TMEM164: variants seen among roughly 807,000 people sequenced by gnomAD.
TMEM164 encodes the protein transmembrane protein 164.
TMEM164 carries 4 observed loss-of-function variants against 18.8 expected under a neutral mutation model. The observed-to-expected ratio is 0.21, with a 90% CI of 0.10 to 0.49. The LOEUF is 0.49. Ranked by LOEUF, TMEM164 falls within the 20% of genes least tolerant of loss-of-function variation. TMEM164 has a pLI of 0.98. For missense variants in TMEM164, 108 were observed against 239.9 expected (o/e 0.45, Z 3.63); for synonymous variants, 86 against 101.7 (o/e 0.85, Z 0.93).
intron 2 of TMEM164, among the ~76,000 whole-genome samples, chrX:110,032,691 C>G (rs1251070896): frequency 1.8e-5 from 2 of 111,506 alleles, no homozygotes; most frequent in Non-Finnish European, 3.8e-5. Context: ...AATAATAATG[C>G]CAAGGATTGT....
Position 110,040,184 on chromosome X carries a change from A to G in TMEM164, c.391-27163A>G, listed in dbSNP as rs180842108. On this transcript the variant is annotated intron_variant, in intron 2 of 6. Coordinates refer to ENST00000372068, the MANE Select transcript of TMEM164 (RefSeq NM_032227.4). Reference sequence around the variant, plus strand: ...GAAAAACTGTTTATGATACAAATCTATATGTTAAATCCTACTTTTAGTGCA... The same window carrying G: ...GAAAAACTGTTTATGATACAAATCTGTATGTTAAATCCTACTTTTAGTGCA... Among the ~76,000 whole-genome samples the G allele has an allele frequency of 8.0e-5, 9 of 112,627 alleles. No homozygotes were observed. The East Asian group carries it at 2.2e-3, about 28-fold the overall frequency.
chrX:110,163,732 G>A (rs1170634071), intron 5 of TMEM164, among the ~76,000 whole-genome samples: 1 of 112,053 alleles, frequency 8.9e-6, no homozygotes, highest in Admixed American at 9.4e-5. Flanking sequence ...GACATAAGAT[G>A]ACGAAACAGT....
At chrX:110,097,232 A>C (rs757838591) in intron 3 of TMEM164, among the ~76,000 whole-genome samples, 10 of 112,095 alleles carry the variant, frequency 8.9e-5, no homozygotes, top group African/African-American at 2.9e-4. Context: ...TTGGCCTCCC[A>C]AAGTGCTGAG....
intron 4 of TMEM164, among the ~76,000 whole-genome samples, chrX:110,140,168 G>A (rs1335846153): frequency 2.7e-5 from 3 of 111,478 alleles, no homozygotes; most frequent in East Asian, 2.8e-4. Flanking sequence ...GGAGGGGGCC[G>A]TAAATCCGTA....
Position 110,005,021 on chromosome X carries a change from C to T in TMEM164, c.390+857C>T, listed in dbSNP as rs541575423. Among the ~76,000 whole-genome samples, 32 of 111,971 alleles carry T rather than the reference C, an allele frequency of 2.9e-4. 1 individual carries two copies. The South Asian group carries it at 0.011, about 40-fold the overall frequency. ...CAAGAGTGAGACTGTCTGTATTCAGCCTGTGTGGAGAGATGTTCTAAAGCT... is the reference window on the plus strand; with the variant it reads ...CAAGAGTGAGACTGTCTGTATTCAGTCTGTGTGGAGAGATGTTCTAAAGCT... On this transcript the variant is annotated intron_variant, in intron 2 of 6. Transcript: ENST00000372068.
intron 5 of TMEM164, among the ~76,000 whole-genome samples, chrX:110,166,885 T>G (rs1476529792): frequency 8.9e-6 from 1 of 112,692 alleles, no homozygotes; most frequent in Non-Finnish European, 1.9e-5. Context: ...CATGCAGGTA[T>G]ACAGAAAAGA....
intron 2 of TMEM164, among the ~76,000 whole-genome samples, chrX:110,041,420 T>C (rs1935085391): frequency 9.0e-6 from 1 of 111,670 alleles, no homozygotes; most frequent in African/African-American, 3.3e-5. Context: ...TCACCGGAGA[T>C]AGATGTGACG....
At chrX:110,060,966 A>G (rs1936097505) in intron 2 of TMEM164, among the ~76,000 whole-genome samples, 1 of 112,338 alleles carries the variant, frequency 8.9e-6, no homozygotes, top group Admixed American at 9.4e-5. Flanking sequence ...ATGAAATAAT[A>G]CTATTGTAAT....
chrX:110,061,814 G>T lies in TMEM164; in HGVS notation c.391-5533G>T, dbSNP rs149561837. Among the ~76,000 whole-genome samples the T allele has an allele frequency of 7.9e-3, 877 of 111,693 alleles. 10 individuals are homozygous for T. Among genetic ancestry groups the T allele is most frequent in the African/African-American group, 0.027 (834 of 30,766 alleles). ...CAGAATGGGCGTTTAACCGTGGAGT[G>T]TAAGGGAAGCTTTCCTGGAGAAAAT... On this transcript the variant is annotated intron_variant, in intron 2 of 6. Transcript: ENST00000372068.
At chrX:110,105,669 T>G (rs867691836) in intron 3 of TMEM164, among the ~76,000 whole-genome samples, 1 of 60,296 alleles carries the variant, frequency 1.7e-5, no homozygotes, top group Admixed American at 1.9e-4. Context: ...CATACACACA[T>G]AGAAACACAG....
At chrX:110,092,767 A>C (rs891222414) in intron 3 of TMEM164, among the ~76,000 whole-genome samples, 1 of 111,881 alleles carries the variant, frequency 8.9e-6, no homozygotes, top group African/African-American at 3.3e-5. Flanking sequence ...GTGGTGAGAG[A>C]GGGCATCCCT....
intron 4 of TMEM164, among the ~76,000 whole-genome samples, chrX:110,128,910 G>A (rs775651442): frequency 9.0e-6 from 1 of 110,684 alleles, no homozygotes; most frequent in South Asian, 3.8e-4. Flanking sequence ...CTGTTTTCAG[G>A]ATTCCTGGCT....
chrX:110,035,530 TTC>T (rs1028414817), intron 2 of TMEM164, among the ~76,000 whole-genome samples: 2 of 109,607 alleles, frequency 1.8e-5, no homozygotes, highest in Admixed American at 1.9e-4. Flanking sequence ...GGGGGATGGA[TTC>T]TTGCTCTGTC....
At chrX:110,124,184 A>AGGC (rs1569339696) in intron 4 of TMEM164, among the ~76,000 whole-genome samples, 11 of 49,073 alleles carry the variant, frequency 2.2e-4, no homozygotes, top group Non-Finnish European at 2.1e-4. Context: ...GGAAGGCAGG[A>AGGC]AGGCAGGCAG....
At chrX:110,099,250 A>G (rs775906490) in intron 3 of TMEM164, among the ~76,000 whole-genome samples, 84 of 111,207 alleles carry the variant, frequency 7.6e-4, no homozygotes, top group Non-Finnish European at 1.4e-3. Context: ...TTCACAGATC[A>G]AAAGTTTTTC....
chrX:110,173,174 G>A, intron 6 of TMEM164, 71 bp from the exon 7 acceptor site: 1 of 1,086,539 alleles, frequency 9.2e-7, no homozygotes, highest in South Asian at 1.9e-5. Flanking sequence ...AGGTAGAGAT[G>A]GCTGAACTGG....
At chrX:110,099,020 G>T (rs187356753) in intron 3 of TMEM164, among the ~76,000 whole-genome samples, 2 of 100,887 alleles carry the variant, frequency 2.0e-5, no homozygotes, top group African/African-American at 3.7e-5. Context: ...GGATGGTCTC[G>T]ATCTCCTGAC....
intron 3 of TMEM164, among the ~76,000 whole-genome samples, chrX:110,090,274 T>C (rs1359388892): frequency 9.1e-6 from 1 of 110,112 alleles, no homozygotes; most frequent in Admixed American, 9.7e-5. Flanking sequence ...TTTTTTTTTT[T>C]CTTTACTTGC....
At chrX:110,153,982 T>G (rs1197789807) in intron 5 of TMEM164, among the ~76,000 whole-genome samples, 1 of 111,772 alleles carries the variant, frequency 8.9e-6, no homozygotes, top group Admixed American at 9.5e-5. Flanking sequence ...TTTTTTACTA[T>G]TGTTATTTTC....
Sources: allele counts gnomAD v4.1 joint callset (sites outside exome capture counted in the v4.1 genomes callset), GRCh38; gene constraint gnomAD v4.1.1; transcripts MANE v1.5; gene names NCBI Gene and HGNC (gene_info 2026-07-23, HGNC 2026-07-21).